UBD: variants seen among roughly 807,000 people sequenced by gnomAD.
The protein encoded by UBD is ubiquitin like modifier D.
In UBD, 1 loss-of-function variant was observed where a neutral mutation model predicts 2.3. The observed-to-expected ratio is 0.43, with a 90% CI of 0.15 to 2.06. The LOEUF (loss-of-function observed/expected upper bound fraction) is 2.06. Among genes scored for constraint, UBD ranks in the 30% most tolerant of loss-of-function variants. UBD has a pLI of 0.29. For missense variants in UBD, 175 were observed against 199.3 expected, an observed-to-expected ratio of 0.88 and a Z score of 0.73; for synonymous variants, 75 against 76.5, an observed-to-expected ratio of 0.98 and a Z score of 0.10.
In UBD at chr6:29,556,087, A is replaced by G. The variant is rs773010702; in HGVS notation, c.291T>C (p.Asp97=). The G allele has an allele frequency of 6.2e-7, 1 of 1,613,042 alleles. No homozygotes were observed. Among genetic ancestry groups the G allele is most frequent in the Non-Finnish European group, 8.5e-7 (1 of 1,180,014 alleles). The change falls in exon 2 of 2, where the codon GAT becomes GAC. Residue 97 remains aspartate, a synonymous_variant. Transcript: ENST00000377050. ...CCTGGAGGAGGTGCCTCTTTGCCTC[A>G]TCACCTGACTCCACAAGAAACAAGG... The part of the protein sequence containing the change: ...ELPLFLVESG[D]EAKRHLLQVR...
In UBD at chr6:29,556,447, C is replaced by T. The variant is rs57508335; in HGVS notation, c.28-97G>A. The T allele has an allele frequency of 3.5e-6, 3 of 848,850 alleles. No homozygotes were observed. The East Asian group carries it at 7.6e-5, about 22-fold the overall frequency. The allele number at this position is 848,850 out of a possible 1,614,324, so 52.6% of individuals were successfully genotyped here. A position where few individuals can be genotyped will look rare whatever the true frequency, so the allele number is the denominator to read the frequency against. ...TGGCTCCCCCTCTTCCACTATCTAT[C>T]TGGTCCTCTAGCTCCTATTCAGTAG... is the stretch of plus-strand genomic sequence containing the variant. On this transcript the variant is annotated intron_variant, in intron 1 of 1. Transcript: ENST00000377050.
chr6:29,559,611 A>G (rs1472446317), intron 1 of UBD, 64 bp downstream of exon 1: 12 of 1,589,108 alleles, frequency 7.6e-6, no homozygotes, highest in Admixed American at 3.3e-5. Context: ...CGTTTCTAAG[A>G]TCTCTCCCCA....
In UBD at chr6:29,555,768, A is replaced by C; in HGVS notation, c.*112T>G. The C allele has an allele frequency of 9.1e-6, 7 of 772,036 alleles. No homozygotes were observed. The highest frequency in any genetic ancestry group is 1.5e-5 in the Non-Finnish European group (7 of 477,720). The allele number at this position is 772,036 out of a possible 1,614,324, so 47.8% of individuals were successfully genotyped here. On this transcript the variant is annotated 3_prime_UTR_variant, in exon 2 of 2. Coordinates refer to ENST00000377050, the MANE Select transcript of UBD (RefSeq NM_006398.4). Reference sequence around the variant, plus strand: ...ACCCATCCCACCCAAATCTTACTCTACTCATCTCATTCTCATTAATTTTGG... The same window carrying C: ...ACCCATCCCACCCAAATCTTACTCTCCTCATCTCATTCTCATTAATTTTGG...
intron 1 of UBD, among the ~76,000 whole-genome samples, chr6:29,558,655 G>A (rs1340095283): frequency 2.0e-5 from 3 of 152,222 alleles, no homozygotes; most frequent in Non-Finnish European, 4.4e-5. Context: ...CTGGCAGGGT[G>A]TCCGCTGTGC....
chr6:29,556,310 T>C lies in UBD; in HGVS notation c.68A>G (p.Asp23Gly). 1.2e-6 allele frequency: 2 copies of C among 1,612,774 alleles called. No individual in the cohort carries two copies. The highest frequency in any genetic ancestry group is 1.7e-6 in the Non-Finnish European group (2 of 1,179,828). The change falls in exon 2 of 2, where the codon GAT becomes GGT. Residue 23 changes from aspartate (D) to glycine (G), a missense_variant. By Grantham distance (94) the Asp-to-Gly change is moderately conservative. Coordinates refer to ENST00000377050, the MANE Select transcript of UBD (RefSeq NM_006398.4). ...TTTCACGCTGTCATATGGGTTGGCATCAAAGGTCATTAAATCCCATTCCTC... is the reference window on the plus strand; with the variant it reads ...TTTCACGCTGTCATATGGGTTGGCACCAAAGGTCATTAAATCCCATTCCTC... ...RSEEWDLMTFDANPYDSVKKI... is the reference protein window; with the variant it reads ...RSEEWDLMTFGANPYDSVKKI...
At chr6:29,559,569 G>T in intron 1 of UBD, 106 bp downstream of exon 1, 1 of 1,171,892 alleles carries the variant, frequency 8.5e-7, no homozygotes, top group Non-Finnish European at 1.2e-6. Context: ...TGCCTGCCCA[G>T]CCCCCCAGAG....
rs1174235918 is a variant in UBD, at chr6:29,555,870, C to T, written c.*10G>A. The T allele has an allele frequency of 2.5e-6, 4 of 1,608,846 alleles. No individual in the cohort carries two copies. The highest frequency in any genetic ancestry group is 3.4e-6 in the Non-Finnish European group (4 of 1,176,686). On this transcript the variant is annotated 3_prime_UTR_variant, in exon 2 of 2. Transcript: ENST00000377050. ...TTTTGACCCCTGCCAACACCCCATG[C>T]CCAGGGTGGTCACCCTCCAATACAA...
intron 1 of UBD, 108 bp from the exon 2 acceptor site, chr6:29,556,458 G>T: frequency 1.3e-6 from 1 of 750,058 alleles, no homozygotes; most frequent in Non-Finnish European, 2.1e-6. Context: ...TGGTCCTCTA[G>T]CTCCTATTCA....
At chr6:29,557,809 C>T (rs1021448429) in intron 1 of UBD, 1 of 152,142 alleles carries the variant, frequency 6.6e-6, no homozygotes, top group African/African-American at 2.4e-5. Context: ...ACAATCTTTA[C>T]ATTTCGTTTT....
intron 1 of UBD, chr6:29,557,641 T>C (rs1204062650): frequency 6.6e-6 from 1 of 152,196 alleles, no homozygotes; most frequent in Non-Finnish European, 1.5e-5. Flanking sequence ...CAGCATAAAT[T>C]CCTGTGTCAC....
At position 29,555,694 on chromosome 6, in the gene UBD, A is replaced by G; in HGVS notation, c.*186T>C. ...TAGTAAAAATCATGTCACTTAATTA[A>G]TTGTGTTAGAATCAAAGAAACATAG... On this transcript the variant is annotated 3_prime_UTR_variant, in exon 2 of 2. Coordinates refer to ENST00000377050, the MANE Select transcript of UBD (RefSeq NM_006398.4). The G allele has an allele frequency of 1.7e-6, 1 of 579,538 alleles. No homozygotes were observed. The highest frequency in any genetic ancestry group is 3.0e-6 in the Non-Finnish European group (1 of 328,890). 35.9% of individuals were successfully genotyped at this position (579,538 alleles called of 1,614,324 possible).
At chr6:29,558,600 G>A (rs11970475) in intron 1 of UBD, among the ~76,000 whole-genome samples, 23,993 of 152,120 alleles carry the variant, frequency 0.16, 4,395 homozygotes, top group African/African-American at 0.44. Flanking sequence ...CACCACTGCC[G>A]TTTGCCACCG....
chr6:29,559,193 C>T (rs1762678423), intron 1 of UBD, among the ~76,000 whole-genome samples: 1 of 152,340 alleles, frequency 6.6e-6, no homozygotes. Context: ...GACATTTCTT[C>T]ACTGGAAGAT....
Position 29,556,047 on chromosome 6 carries a change from A to G in UBD, c.331T>C (p.Ser111Pro). ...RHLLQVRRSS[S>P]VAQVKAMIET... ...ATCATTGCTTTCACTTGTGCCACTG[A>G]GCTGGACCTTCGCACCTGGAGGAGG... Residue 111 changes from serine to proline, a missense_variant, in exon 2 of 2, where the codon TCA (serine) becomes CCA (proline). Physicochemically the swap from Ser to Pro is moderately conservative, Grantham distance 74 (BLOSUM62 -1). Transcript: ENST00000377050. 6.2e-7 allele frequency: 1 copy of G among 1,613,044 alleles called. No homozygotes were observed. Among genetic ancestry groups the G allele is most frequent in the Middle Eastern group, 1.6e-4 (1 of 6,062 alleles).
At chr6:29,557,370 CT>C (rs1286264862) in intron 1 of UBD, 7 of 152,164 alleles carry the variant, frequency 4.6e-5, no homozygotes, top group Admixed American at 6.5e-5. Context: ...TAATTTTCTC[CT>C]GATAAGAGAC....
At position 29,556,114 on chromosome 6, in the gene UBD, C is replaced by A. The variant is rs1762502144; in HGVS notation, c.264G>T (p.Leu88=). The change falls in exon 2 of 2, where the codon CTG becomes CTT. Residue 88 remains leucine (L), a synonymous_variant. Transcript: ENST00000377050. ...CACCTGACTCCACAAGAAACAAGGG[C>A]AGCTCCTCATCACTGGGCTTCACCA... ...LKVVKPSDEE[L]PLFLVESGDE... 1 of 1,613,146 alleles carries A rather than the reference C, an allele frequency of 6.2e-7. No homozygotes were observed. The highest frequency in any genetic ancestry group is 8.5e-7 in the Non-Finnish European group (1 of 1,180,036).
rs757775945 is a variant in UBD, at chr6:29,556,170, T to C, written c.208A>G (p.Lys70Glu). Residue 70 changes from lysine (K) to glutamate (E), a missense_variant, in exon 2 of 2, where the codon AAA becomes GAA. Transcript: ENST00000377050. ...RRSLSSYGIDKEKTIHLTLKV... is the reference protein window; with the variant it reads ...RRSLSSYGIDEEKTIHLTLKV... ...AGGGTAAGGTGGATGGTCTTCTCTTTGTCAATGCCATAAGATGAGAGGCTT... is the reference window on the plus strand; with the variant it reads ...AGGGTAAGGTGGATGGTCTTCTCTTCGTCAATGCCATAAGATGAGAGGCTT... The C allele has an allele frequency of 4.3e-6, 7 of 1,612,962 alleles. No individual in the cohort carries two copies. The Admixed American group carries it at 1.0e-4, about 23-fold the overall frequency.
Position 29,556,233 on chromosome 6 carries a change from C to T in UBD, c.145G>A (p.Val49Ile), listed in dbSNP as rs751936798. 9.9e-6 allele frequency: 16 copies of T among 1,612,958 alleles called. No homozygotes were observed. The East Asian group carries it at 3.6e-4, about 36-fold the overall frequency. The stretch of plus-strand genomic sequence containing the variant: ...AAGATCTTGGAGCCCAGCAAAAGAA[C>T]CTGGTCCTGCACAGGAACCTTGGTC... ...SKTKVPVQDQ[V>I]LLLGSKILKP... Residue 49 changes from valine to isoleucine, a missense_variant, in exon 2 of 2, where the codon GTT (valine) becomes ATT (isoleucine). Physicochemically the swap from Val to Ile is conservative, Grantham distance 29. Coordinates refer to ENST00000377050, the MANE Select transcript of UBD (RefSeq NM_006398.4).
Position 29,555,843 on chromosome 6 carries a change from C to G in UBD, c.*37G>C, listed in dbSNP as rs1488193091. 1 of 1,541,536 alleles carries G rather than the reference C, an allele frequency of 6.5e-7. No individual in the cohort carries two copies. Among genetic ancestry groups the G allele is most frequent in the Admixed American group, 1.7e-5 (1 of 58,250 alleles). ...TGAGTAAGAGATTAAAAGAAATAAG[C>G]TTTTTGACCCCTGCCAACACCCCAT... On this transcript the variant is annotated 3_prime_UTR_variant, in exon 2 of 2. Coordinates refer to ENST00000377050, the MANE Select transcript of UBD (RefSeq NM_006398.4).
Sources: allele counts gnomAD v4.1 joint callset (sites outside exome capture counted in the v4.1 genomes callset), GRCh38; gene constraint gnomAD v4.1.1; transcripts MANE v1.5; gene names NCBI Gene and HGNC (gene_info 2026-07-23, HGNC 2026-07-21).